Variants in NTM observed in about 807,000 individuals in gnomAD.
NTM encodes neurotrimin, also known as IgLON family member 2.
NTM carries 13 observed loss-of-function variants against 42.1 expected under a neutral mutation model. The observed-to-expected ratio is 0.31, with a 90% CI of 0.20 to 0.49. The LOEUF is 0.49. Among genes scored for constraint, NTM ranks in the 20% least tolerant of loss-of-function variants. The pLI is 0.99. For synonymous variants in NTM, 187 were observed against 179.2 expected, an observed-to-expected ratio of 1.04 and a Z score of -0.35; for missense variants, 373 against 452.8, an observed-to-expected ratio of 0.82 and a Z score of 1.60.
In NTM at chr11:131,409,883, T is replaced by TG. The variant is rs1275572041; in HGVS notation, c.82+38996dup. 3.3e-5 allele frequency among the ~76,000 whole-genome samples: 5 copies of TG among 152,264 alleles called. No homozygotes were observed. In the East Asian group the frequency reaches 9.7e-4, roughly 29 times the overall value. ...CTCTCCTTTTTTAATCATCTCCTCC[T>TG]GTAAAAAGGGCTAATCTTTTGTTAG... On this transcript the variant is annotated intron_variant, in intron 1 of 8. Coordinates refer to ENST00000683400, the MANE Select transcript of NTM (RefSeq NM_001352005.2).
chr11:131,881,305 C>T (rs546801828), intron 1 of NTM, among the ~76,000 whole-genome samples: 3 of 152,202 alleles, frequency 2.0e-5, no homozygotes, highest in African/African-American at 4.8e-5. Flanking sequence ...CTCCTCTCAA[C>T]GGTTTGAGGG....
At chr11:131,718,882 C>G (rs1305115136) in intron 1 of NTM, among the ~76,000 whole-genome samples, 1 of 152,176 alleles carries the variant, frequency 6.6e-6, no homozygotes, top group Non-Finnish European at 1.5e-5. Flanking sequence ...CGTTTTCCAT[C>G]TCTCAGGAGT....
In NTM at chr11:132,146,396, C is replaced by A; in HGVS notation, c.282C>A (p.Thr94=). ...LDPRVVLLSN[T]QTQYSIEIQN... is the part of the protein sequence containing the mutation. ...CTCGCGTGGTCCTTCTGAGCAACAC[C>A]CAAACGCAGTACAGCATCGAGATCC... Residue 94 remains threonine, a synonymous_variant, in exon 3 of 9, where the codon ACC becomes ACA. Transcript: ENST00000683400. This position sits in a 1 kb window ranked among gnomAD's most constrained non-coding sequence, Gnocchi z 4.5. 6.2e-7 allele frequency: 1 copy of A among 1,614,172 alleles called. No homozygotes were observed. Among genetic ancestry groups the A allele is most frequent in the Non-Finnish European group, 8.5e-7 (1 of 1,180,036 alleles).
At chr11:131,528,863 C>CATTTG (rs770413444) in intron 1 of NTM, among the ~76,000 whole-genome samples, 2 of 152,150 alleles carry the variant, frequency 1.3e-5, no homozygotes, top group Non-Finnish European at 1.5e-5. Flanking sequence ...GATGTTTAGA[C>CATTTG]ATTTGATTTG....
At chr11:131,636,847 T>C (rs978844991) in intron 1 of NTM, among the ~76,000 whole-genome samples, 1 of 152,226 alleles carries the variant, frequency 6.6e-6, no homozygotes, top group Admixed American at 6.5e-5. Context: ...CCATGGGCAC[T>C]AACCATGTTA....
chr11:131,650,721 C>T (rs2066374176), intron 1 of NTM, among the ~76,000 whole-genome samples: 1 of 152,060 alleles, frequency 6.6e-6, no homozygotes, highest in South Asian at 2.1e-4. Context: ...ACTATGCCCT[C>T]CCCAGAGGAA....
At chr11:131,764,210 T>C (rs2084744687) in intron 1 of NTM, among the ~76,000 whole-genome samples, 1 of 152,230 alleles carries the variant, frequency 6.6e-6, no homozygotes. Flanking sequence ...TTCCCAAATC[T>C]CTGTGGTTAA....
At chr11:131,704,465 G>A (rs1487898502) in intron 1 of NTM, among the ~76,000 whole-genome samples, 1 of 152,188 alleles carries the variant, frequency 6.6e-6, no homozygotes, top group African/African-American at 2.4e-5. Flanking sequence ...CAAAATCTCT[G>A]TAGAAGCTGA....
At chr11:131,380,339 C>T (rs2135516397) in intron 1 of NTM, among the ~76,000 whole-genome samples, 1 of 151,850 alleles carries the variant, frequency 6.6e-6, no homozygotes, top group South Asian at 2.1e-4. Context: ...TCCAAAGTAG[C>T]TGGGATTACA....
chr11:132,263,142 A>C (rs536740092), intron 4 of NTM, among the ~76,000 whole-genome samples: 3 of 152,194 alleles, frequency 2.0e-5, no homozygotes, highest in Non-Finnish European at 4.4e-5. Flanking sequence ...GTGGGGTGGC[A>C]GTCCTGCGCC....
In NTM at chr11:131,859,112, A is replaced by ATCCGTCTG. The variant is rs371596947; in HGVS notation, c.83-52437_83-52430dup. On this transcript the variant is annotated intron_variant, in intron 1 of 8. Coordinates refer to ENST00000683400, the MANE Select transcript of NTM (RefSeq NM_001352005.2). ...CATCCATCCGTCCATCCATGTGTGC[A>ATCCGTCTG]TCCGTCTGTCCGTCTGTCCGTCCAT... Among the ~76,000 whole-genome samples the ATCCGTCTG allele has an allele frequency of 2.8e-4, 43 of 152,270 alleles. No homozygotes were observed. In the South Asian group the frequency reaches 7.9e-3, roughly 28 times the overall value.
At chr11:131,929,179 A>G (rs1216177275) in intron 2 of NTM, among the ~76,000 whole-genome samples, 1 of 152,086 alleles carries the variant, frequency 6.6e-6, no homozygotes, top group East Asian at 1.9e-4. Context: ...GCGAGTTTAG[A>G]CTCCCTGGTT....
At chr11:131,971,533 T>A (rs2063528356) in intron 2 of NTM, among the ~76,000 whole-genome samples, 1 of 152,144 alleles carries the variant, frequency 6.6e-6, no homozygotes, top group Non-Finnish European at 1.5e-5. Context: ...TGCTTTGTCG[T>A]CTCTTACCAT....
At chr11:132,094,750 A>C (rs1846836484) in intron 2 of NTM, among the ~76,000 whole-genome samples, 1 of 152,138 alleles carries the variant, frequency 6.6e-6, no homozygotes. Context: ...GAGAGAGAGA[A>C]CAAAAATGTC....
intron 1 of NTM, among the ~76,000 whole-genome samples, chr11:131,372,069 T>C (rs968643581): frequency 1.3e-5 from 2 of 152,210 alleles, no homozygotes; most frequent in African/African-American, 2.4e-5. Context: ...GTAGTCCTGC[T>C]GGCTCTTCTC....
At chr11:132,247,544 A>C (rs796198671) in intron 4 of NTM, among the ~76,000 whole-genome samples, 7 of 152,304 alleles carry the variant, frequency 4.6e-5, no homozygotes, top group African/African-American at 1.7e-4. Flanking sequence ...TAAATGAATA[A>C]GAAAAAAACA....
At chr11:131,645,309 C>G (rs1012068446) in intron 1 of NTM, among the ~76,000 whole-genome samples, 1 of 152,162 alleles carries the variant, frequency 6.6e-6, no homozygotes, top group East Asian at 1.9e-4. Flanking sequence ...TAAGAGGGGT[C>G]TCCTTTCTCC....
chr11:131,562,355 A>G (rs2056344323), intron 1 of NTM, among the ~76,000 whole-genome samples: 1 of 152,232 alleles, frequency 6.6e-6, no homozygotes, highest in Admixed American at 6.5e-5. Context: ...AATCAAATTC[A>G]TTATGTGAAG....
At chr11:131,789,464 A>G (rs1347173179) in intron 1 of NTM, among the ~76,000 whole-genome samples, 4 of 14,516 alleles carry the variant, frequency 2.8e-4, no homozygotes, top group African/African-American at 8.5e-4. Context: ...GAAGAAGAAG[A>G]AGAAGAAGAA....
Sources: allele counts gnomAD v4.1 joint callset (sites outside exome capture counted in the v4.1 genomes callset), GRCh38; gene constraint gnomAD v4.1.1; non-coding constraint Gnocchi (gnomAD v3.1); transcripts MANE v1.5; gene names NCBI Gene and HGNC (gene_info 2026-07-23, HGNC 2026-07-21).